Variants in KLF8 observed in about 807,000 individuals in gnomAD.
KLF8 encodes the protein KLF transcription factor 8.
KLF8 carries 10 observed loss-of-function variants against 18.2 expected under a neutral mutation model. That is an observed-to-expected ratio of 0.55 (90% CI 0.34 to 0.93). The LOEUF (loss-of-function observed/expected upper bound fraction) is 0.93, where lower values mean the gene tolerates loss of function less well. Ranked by LOEUF, KLF8 falls within the 40% of genes least tolerant of loss-of-function variation. KLF8 has a pLI of 0.02. For synonymous variants in KLF8, 109 were observed against 97.3 expected (o/e 1.12, Z -0.71); for missense variants, 264 against 277.9 (o/e 0.95, Z 0.36).
At chrX:55,998,418 C>T in the KLF8 span, among the ~76,000 whole-genome samples, 1 of 112,560 alleles carries the variant, frequency 8.9e-6, no homozygotes, top group Non-Finnish European at 1.9e-5. Context: ...CCTGTCTTTC[C>T]TAGGCAGAGG....
At chrX:56,029,485 T>C in the KLF8 span, among the ~76,000 whole-genome samples, 9 of 110,800 alleles carry the variant, frequency 8.1e-5, no homozygotes, top group Admixed American at 5.7e-4. Context: ...TTTTCTTAGA[T>C]AAGGGGGCCA....
chrX:55,982,033 A>G, the KLF8 span, among the ~76,000 whole-genome samples: 126 of 110,802 alleles, frequency 1.1e-3, no homozygotes, highest in African/African-American at 4.1e-3. Flanking sequence ...AATGGAATCC[A>G]GAGGACAGGA....
chrX:56,239,711 C>G (rs2066519814), intron 1 of KLF8, among the ~76,000 whole-genome samples: 1 of 112,115 alleles, frequency 8.9e-6, no homozygotes, highest in Non-Finnish European at 1.9e-5. Flanking sequence ...CTCCAAATAC[C>G]TAAATGTGCC....
At chrX:56,186,948 A>G in the KLF8 span, among the ~76,000 whole-genome samples, 1 of 111,993 alleles carries the variant, frequency 8.9e-6, no homozygotes, top group Non-Finnish European at 1.9e-5. Context: ...TGACACCCGA[A>G]CATCACAATT....
the KLF8 span, among the ~76,000 whole-genome samples, chrX:55,945,180 A>G: frequency 2.7e-5 from 3 of 110,964 alleles, no homozygotes; most frequent in South Asian, 1.2e-3. Flanking sequence ...GTTTGATTGC[A>G]CTGTGGTCTG....
At chrX:56,101,399 T>C in the KLF8 span, among the ~76,000 whole-genome samples, 146 of 112,328 alleles carry the variant, frequency 1.3e-3, no homozygotes, top group African/African-American at 4.5e-3. Flanking sequence ...ACTCCATGTC[T>C]ATGTTATTGT....
the KLF8 span, among the ~76,000 whole-genome samples, chrX:56,025,577 C>A: frequency 8.9e-6 from 1 of 111,913 alleles, no homozygotes; most frequent in Non-Finnish European, 1.9e-5. Context: ...TCTAGAGAAC[C>A]GCATCTTATT....
At chrX:56,237,613 A>G (rs1022198124) in intron 1 of KLF8, among the ~76,000 whole-genome samples, 4 of 111,936 alleles carry the variant, frequency 3.6e-5, no homozygotes, top group Non-Finnish European at 7.5e-5. Context: ...ATGAGCCACA[A>G]ATTTTTAAAC....
At chrX:56,229,384 C>T (rs1413319051), upstream of KLF8, among the ~76,000 whole-genome samples, 5 of 112,062 alleles carry the variant, frequency 4.5e-5, 1 homozygote, top group Admixed American at 3.8e-4. Context: ...GTCTCCCTCA[C>T]GCATAAGGTG....
chrX:56,119,549 G>A, the KLF8 span, among the ~76,000 whole-genome samples: 11 of 110,222 alleles, frequency 1.0e-4, 1 homozygote, highest in East Asian at 2.9e-3. Context: ...GACTAGAGGC[G>A]CATGCCACCA....
chrX:56,039,320 T>C, the KLF8 span, among the ~76,000 whole-genome samples: 4 of 112,151 alleles, frequency 3.6e-5, no homozygotes, highest in South Asian at 1.1e-3. Flanking sequence ...CTAGATTTTC[T>C]TCTAGAGTTA....
the KLF8 span, among the ~76,000 whole-genome samples, chrX:56,053,422 T>C: frequency 8.9e-6 from 1 of 111,878 alleles, no homozygotes; most frequent in Admixed American, 9.5e-5. Flanking sequence ...GTCAGTGTTT[T>C]GTTGAAGATA....
At chrX:56,171,127 G>C in the KLF8 span, among the ~76,000 whole-genome samples, 1 of 111,833 alleles carries the variant, frequency 8.9e-6, no homozygotes, top group African/African-American at 3.2e-5. Flanking sequence ...GAATATTATA[G>C]TCCTGTAACT....
chrX:56,127,995 A>G, the KLF8 span, among the ~76,000 whole-genome samples: 79 of 112,061 alleles, frequency 7.0e-4, no homozygotes, highest in African/African-American at 2.5e-3. Flanking sequence ...GGCATGAAGG[A>G]TGACAGTGTC....
At chrX:55,948,215 G>A in the KLF8 span, among the ~76,000 whole-genome samples, 1 of 112,237 alleles carries the variant, frequency 8.9e-6, no homozygotes, top group African/African-American at 3.2e-5. Flanking sequence ...TAGAAGACAA[G>A]TCAGCAAAGT....
the KLF8 span, among the ~76,000 whole-genome samples, chrX:55,974,947 A>G: frequency 8.9e-6 from 1 of 112,226 alleles, no homozygotes; most frequent in Non-Finnish European, 1.9e-5. Flanking sequence ...TACAGTTTTC[A>G]TTATAGAGGT....
the KLF8 span, among the ~76,000 whole-genome samples, chrX:56,066,290 G>C: frequency 8.9e-6 from 1 of 112,089 alleles, no homozygotes; most frequent in Non-Finnish European, 1.9e-5. Context: ...TGATGAATGG[G>C]GCAGGGTGAT....
the KLF8 span, among the ~76,000 whole-genome samples, chrX:56,020,597 C>T: frequency 8.1e-5 from 9 of 111,440 alleles, no homozygotes; most frequent in African/African-American, 2.9e-4. Flanking sequence ...TGCCAAGGTA[C>T]CAAAGGAAGA....
the KLF8 span, among the ~76,000 whole-genome samples, chrX:55,946,889 C>T: frequency 2.7e-5 from 3 of 111,946 alleles, no homozygotes; most frequent in East Asian, 8.4e-4. Context: ...TGAGAAAATG[C>T]TGACCATCAC....
Sources: gnomAD v4.1 joint callset for allele counts (sites outside exome capture counted in the v4.1 genomes callset) on GRCh38, gnomAD v4.1.1 for gene constraint, MANE v1.5 for transcripts, NCBI Gene and HGNC (gene_info 2026-07-23, HGNC 2026-07-21) for gene names.